The following CPD variants were observed in gnomAD, a reference collection of about 807,000 sequenced individuals.
The protein encoded by CPD is carboxypeptidase D, also known as metallocarboxypeptidase D.
Under a neutral mutation model 138.3 loss-of-function variants are expected in CPD, and 69 were observed. The ratio of observed to expected loss-of-function variants is 0.50; its 90% CI spans 0.41 to 0.61. The LOEUF is 0.61. Ranked by LOEUF, CPD falls within the 20% of genes least tolerant of loss-of-function variation. CPD has a pLI of 0.00. For synonymous variants in CPD, 651 were observed against 642.1 expected (o/e 1.01, Z -0.21); for missense variants, 1,432 against 1,733.3 (o/e 0.83, Z 3.09).
intron 11 of CPD, among the ~76,000 whole-genome samples, chr17:30,444,971 T>G (rs1212201751): frequency 6.6e-6 from 1 of 152,054 alleles, no homozygotes; most frequent in Non-Finnish European, 1.5e-5. Flanking sequence ...TCTTCCATTT[T>G]TGGCAGAGTG....
At chr17:30,399,116 ATATTTTATAATATATT>A (rs1434390699) in intron 2 of CPD, among the ~76,000 whole-genome samples, 1 of 152,002 alleles carries the variant, frequency 6.6e-6, no homozygotes, top group Non-Finnish European at 1.5e-5. Context: ...ACAGAGATAA[ATATTTTATAATATATT>A]TATGTTATTG....
chr17:30,438,944 A>G (rs1347029399), intron 8 of CPD, 31 bp from the exon 9 acceptor site: 1 of 1,315,964 alleles, frequency 7.6e-7, no homozygotes, highest in Non-Finnish European at 1.1e-6. Context: ...ATACAAACAA[A>G]TAGAAGTAAA....
chr17:30,459,271 C>T (rs1567885159), intron 17 of CPD, among the ~76,000 whole-genome samples: 1 of 147,436 alleles, frequency 6.8e-6, no homozygotes, highest in Non-Finnish European at 1.5e-5. Context: ...GGTACATGTG[C>T]ACAACGTGCA....
intron 17 of CPD, among the ~76,000 whole-genome samples, chr17:30,457,368 G>A (rs1913328326): frequency 6.6e-6 from 1 of 151,938 alleles, no homozygotes; most frequent in Admixed American, 6.6e-5. Context: ...TGTGTCAATG[G>A]GCACTTGGAT....
intron 7 of CPD, among the ~76,000 whole-genome samples, chr17:30,427,996 A>T (rs1912467083): frequency 6.7e-6 from 1 of 150,192 alleles, no homozygotes; most frequent in Non-Finnish European, 1.5e-5. Context: ...TATCTCTCAC[A>T]TTGGGAACTT....
chr17:30,456,629 T>C, intron 17 of CPD, 103 bp downstream of exon 17: 1 of 1,141,008 alleles, frequency 8.8e-7, no homozygotes, highest in Non-Finnish European at 1.3e-6. Flanking sequence ...ATTTTCTGAG[T>C]TTGGGAGTTC....
At chr17:30,462,594 T>C in intron 20 of CPD, 125 bp downstream of exon 20, 1 of 667,198 alleles carries the variant, frequency 1.5e-6, no homozygotes, top group Non-Finnish European at 2.6e-6. Context: ...TCTCCTTATC[T>C]AAATGTGATT....
chr17:30,385,156 G>A lies in CPD; in HGVS notation c.914G>A (p.Gly305Asp). 6.2e-7 allele frequency: 1 copy of A among 1,614,030 alleles called. No homozygotes were observed. Among genetic ancestry groups the A allele is most frequent in the African/African-American group, 1.3e-5 (1 of 75,020 alleles). ...TCAAACCACCCCATAATGAAAACTG[G>A]TGAGCCTCATTGTCCAGGAGATGAA... ...YASNHPIMKT[G>D]EPHCPGDEDE... Residue 305 changes from glycine (G) to aspartate (D), a missense_variant, in exon 2 of 21, where the codon GGT (glycine) becomes GAT (aspartate). Coordinates refer to ENST00000225719, the MANE Select transcript of CPD (RefSeq NM_001304.5).
intron 17 of CPD, 166 bp downstream of exon 17, chr17:30,456,692 A>C: frequency 1.7e-6 from 1 of 576,740 alleles, no homozygotes; most frequent in Non-Finnish European, 3.1e-6. Flanking sequence ...AAATATAAAA[A>C]TTAGCTGGGT....
intron 6 of CPD, among the ~76,000 whole-genome samples, chr17:30,425,420 C>T (rs1179733318): frequency 6.6e-6 from 1 of 151,944 alleles, no homozygotes; most frequent in Non-Finnish European, 1.5e-5. Context: ...TTTGGGAGGT[C>T]GAGGTAGATG....
At chr17:30,390,810 G>A (rs1911333824) in intron 2 of CPD, among the ~76,000 whole-genome samples, 1 of 151,642 alleles carries the variant, frequency 6.6e-6, no homozygotes, top group African/African-American at 2.4e-5. Context: ...ACCTACTCTG[G>A]ACTTGTTCAT....
At chr17:30,423,056 A>G (rs1912309821) in intron 5 of CPD, 33 bp downstream of exon 5, 1 of 1,485,274 alleles carries the variant, frequency 6.7e-7, no homozygotes, top group Non-Finnish European at 9.2e-7. Context: ...TAATTTCAGT[A>G]GTGCCCCTCA....
intron 6 of CPD, among the ~76,000 whole-genome samples, chr17:30,426,910 G>A (rs1426546826): frequency 6.6e-6 from 1 of 152,160 alleles, no homozygotes. Context: ...GCTGGGCGTG[G>A]TGGCTCACTC....
At chr17:30,458,759 G>A (rs1023173714) in intron 17 of CPD, among the ~76,000 whole-genome samples, 9 of 152,136 alleles carry the variant, frequency 5.9e-5, no homozygotes, top group Middle Eastern at 3.4e-3. Flanking sequence ...CCAGCTACCC[G>A]GGAGGCTGTG....
intron 2 of CPD, among the ~76,000 whole-genome samples, chr17:30,386,888 C>G (rs1911205642): frequency 6.6e-6 from 1 of 152,134 alleles, no homozygotes; most frequent in African/African-American, 2.4e-5. Flanking sequence ...TCCACCTTGG[C>G]TACTAGGAAT....
chr17:30,432,911 CCT>C, intron 8 of CPD, among the ~76,000 whole-genome samples: 1 of 151,862 alleles, frequency 6.6e-6, no homozygotes, highest in East Asian at 1.9e-4. Flanking sequence ...AAGCTGAGAC[CCT>C]GTCTCAAAAA....
At chr17:30,432,087 A>G (rs916251237) in intron 8 of CPD, among the ~76,000 whole-genome samples, 6 of 152,038 alleles carry the variant, frequency 3.9e-5, no homozygotes, top group African/African-American at 1.5e-4. Flanking sequence ...CCTTTTATCT[A>G]TGGTTTTAGC....
At position 30,378,986 on chromosome 17, in the gene CPD, G is replaced by A. The variant is rs771378024; in HGVS notation, c.6G>A (p.Ala2=). Reference sequence around the variant, plus strand: ...GTTAGCGGCGCTGCTGGAAGATGGCGAGCGGCCGGGACGAGCGGCCGCCTT... The same window carrying A: ...GTTAGCGGCGCTGCTGGAAGATGGCAAGCGGCCGGGACGAGCGGCCGCCTT... The part of the protein sequence containing the change: M[A]SGRDERPPWR... Residue 2 remains alanine (A), a synonymous_variant, in exon 1 of 21, where the codon GCG becomes GCA. Transcript: ENST00000225719. 1 of 1,532,226 alleles carries A rather than the reference G, an allele frequency of 6.5e-7. No individual in the cohort carries two copies. The highest frequency in any genetic ancestry group is 8.7e-7 in the Non-Finnish European group (1 of 1,150,738). 94.9% of individuals were successfully genotyped at this position (1,532,226 alleles called of 1,614,324 possible).
chr17:30,403,132 A>G (rs920965261), intron 2 of CPD, among the ~76,000 whole-genome samples: 2 of 152,156 alleles, frequency 1.3e-5, no homozygotes, highest in African/African-American at 4.8e-5. Context: ...AATAAAAATA[A>G]TAATACTTGT....
Sources: allele counts gnomAD v4.1 joint callset (sites outside exome capture counted in the v4.1 genomes callset), GRCh38; gene constraint gnomAD v4.1.1; transcripts MANE v1.5; gene names NCBI Gene and HGNC (gene_info 2026-07-23, HGNC 2026-07-21).